Variants in LIMCH1 observed in about 807,000 individuals in gnomAD.
LIMCH1 encodes LIM and calponin homology domains 1.
Under a neutral mutation model 176.5 loss-of-function variants are expected in LIMCH1, and 113 were observed. The ratio of observed to expected loss-of-function variants is 0.64; its 90% CI spans 0.55 to 0.75. The LOEUF (loss-of-function observed/expected upper bound fraction) is 0.75, where lower values mean the gene tolerates loss of function less well. Among genes scored for constraint, LIMCH1 ranks in the 30% least tolerant of loss-of-function variants. The pLI, the probability that LIMCH1 is intolerant of heterozygous loss-of-function variation, is 0.00. For synonymous variants in LIMCH1, 619 were observed against 645.9 expected, an observed-to-expected ratio of 0.96 and a Z score of 0.63; for missense variants, 1,674 against 1,814.9, an observed-to-expected ratio of 0.92 and a Z score of 1.41.
At chr4:41,468,400 C>CCCTTCCTT (rs900915906) in intron 1 of LIMCH1, among the ~76,000 whole-genome samples, 1 of 133,412 alleles carries the variant, frequency 7.5e-6, no homozygotes, top group South Asian at 2.8e-4. Flanking sequence ...CTCCCTTCCT[C>CCCTTCCTT]CCTTCCTTCC....
intron 10 of LIMCH1, 31 bp downstream of exon 10, chr4:41,631,508 C>T (rs1270888391): frequency 8.2e-6 from 12 of 1,457,128 alleles, no homozygotes; most frequent in Non-Finnish European, 1.1e-5. Context: ...GCAAGGATAT[C>T]TGCATGGGAG....
chr4:41,612,656 A>G (rs1561917290), intron 4 of LIMCH1: 4 of 702,306 alleles, frequency 5.7e-6, no homozygotes, highest in Non-Finnish European at 1.0e-5. Context: ...GTGTTTTAGT[A>G]TGTGCTGCTT....
rs1646471695 is a variant in LIMCH1 at position 41,676,282 on chromosome 4, A to G, written c.3439-100A>G. ...ATGAAGCCTTCTGCTCCTGTGTGTCAATCTGGGTGCCAGGCCAGAGGCCAA... is the reference window on the plus strand; with the variant it reads ...ATGAAGCCTTCTGCTCCTGTGTGTCGATCTGGGTGCCAGGCCAGAGGCCAA... On this transcript the variant is annotated intron_variant, in intron 22 of 31. Transcript: ENST00000503057. The G allele has an allele frequency of 7.4e-6, 6 of 806,148 alleles. No individual in the cohort carries two copies. The South Asian group carries it at 1.0e-4, about 13-fold the overall frequency. The allele number at this position is 806,148 out of a possible 1,614,324, so 49.9% of individuals were successfully genotyped here.
At chr4:41,492,881 T>C (rs2071347775) in intron 1 of LIMCH1, among the ~76,000 whole-genome samples, 1 of 152,286 alleles carries the variant, frequency 6.6e-6, no homozygotes, top group South Asian at 2.1e-4. Flanking sequence ...TTTCTGTTGT[T>C]ATTTTTCTTC....
intron 1 of LIMCH1, among the ~76,000 whole-genome samples, chr4:41,391,653 A>G (rs1378974244): frequency 6.6e-6 from 1 of 152,182 alleles, no homozygotes; most frequent in African/African-American, 2.4e-5. Context: ...CAGATTAATC[A>G]TGACATAGCA....
intron 15 of LIMCH1, 58 bp from the exon 16 acceptor site, chr4:41,646,065 A>G: frequency 6.6e-7 from 1 of 1,523,162 alleles, no homozygotes; most frequent in Non-Finnish European, 8.9e-7. Context: ...TCTGAAGAAT[A>G]GAAATGGAAT....
intron 1 of LIMCH1, among the ~76,000 whole-genome samples, chr4:41,401,069 C>T (rs2058385191): frequency 6.6e-6 from 1 of 152,140 alleles, no homozygotes; most frequent in Admixed American, 6.6e-5. Context: ...GCTTTTGTTG[C>T]CATTGCTTTT....
At chr4:41,603,813 G>T (rs1265626284) in intron 2 of LIMCH1, 62 bp from the exon 3 acceptor site, 2 of 1,172,254 alleles carry the variant, frequency 1.7e-6, no homozygotes, top group Non-Finnish European at 2.5e-6. Flanking sequence ...GGCATTTAAG[G>T]AAAGGTCACA....
intron 1 of LIMCH1, among the ~76,000 whole-genome samples, chr4:41,462,695 A>C (rs2065543683): frequency 6.6e-6 from 1 of 152,152 alleles, no homozygotes; most frequent in South Asian, 2.1e-4. Context: ...ATGACCCAAA[A>C]CCACAAAGCA....
chr4:41,636,731 C>T (rs1258426447), intron 13 of LIMCH1, among the ~76,000 whole-genome samples: 2 of 152,166 alleles, frequency 1.3e-5, no homozygotes, highest in Non-Finnish European at 2.9e-5. Flanking sequence ...CCATGAAATA[C>T]TGTTAATTAC....
At chr4:41,585,364 G>A (rs1285605083) in intron 1 of LIMCH1, among the ~76,000 whole-genome samples, 3 of 152,056 alleles carry the variant, frequency 2.0e-5, no homozygotes, top group Non-Finnish European at 2.9e-5. Context: ...TATTTACATT[G>A]TAGCATATGT....
chr4:41,496,632 C>A (rs1376824686), intron 2 of LIMCH1, among the ~76,000 whole-genome samples: 1 of 152,150 alleles, frequency 6.6e-6, no homozygotes, highest in Non-Finnish European at 1.5e-5. Flanking sequence ...TTCTTCCTCA[C>A]CCTTATGGCT....
chr4:41,452,653 A>T (rs1177685852), intron 1 of LIMCH1, among the ~76,000 whole-genome samples: 2 of 152,094 alleles, frequency 1.3e-5, no homozygotes, highest in Admixed American at 1.3e-4. Flanking sequence ...CTGTTTGTTC[A>T]CCATTCCACT....
At chr4:41,613,183 T>C (rs1314329893) in intron 4 of LIMCH1, 24 of 1,221,704 alleles carry the variant, frequency 2.0e-5, no homozygotes, top group South Asian at 2.7e-5. Flanking sequence ...CTTCTAATTC[T>C]TTCTCTACTC....
intron 1 of LIMCH1, among the ~76,000 whole-genome samples, chr4:41,561,288 T>G (rs61690528): frequency 0.029 from 4,489 of 152,356 alleles, 222 homozygotes; most frequent in African/African-American, 0.1. Flanking sequence ...TCTTGCTTCC[T>G]TGGCTGTATT....
chr4:41,369,944 G>A (rs2053703817), intron 1 of LIMCH1, among the ~76,000 whole-genome samples: 1 of 132,744 alleles, frequency 7.5e-6, no homozygotes, highest in Non-Finnish European at 1.5e-5. Flanking sequence ...AGCAAAGTGT[G>A]TGTGTGTGTG....
chr4:41,522,195 G>T (rs2152405674), intron 2 of LIMCH1, among the ~76,000 whole-genome samples: 1 of 152,244 alleles, frequency 6.6e-6, no homozygotes, highest in East Asian at 1.9e-4. Flanking sequence ...TGTCAGCTCT[G>T]CAGTCATCAG....
chr4:41,506,628 G>A (rs754878424), intron 2 of LIMCH1, among the ~76,000 whole-genome samples: 2 of 152,154 alleles, frequency 1.3e-5, no homozygotes, highest in Non-Finnish European at 2.9e-5. Flanking sequence ...TTAATAAGAG[G>A]TTAAATGAGG....
chr4:41,454,766 T>C (rs2064330490), intron 1 of LIMCH1, among the ~76,000 whole-genome samples: 1 of 152,192 alleles, frequency 6.6e-6, no homozygotes, highest in Non-Finnish European at 1.5e-5. Flanking sequence ...GTGAATCTGA[T>C]CTGATTATTA....
Sources: allele counts gnomAD v4.1 joint callset (sites outside exome capture counted in the v4.1 genomes callset), GRCh38; gene constraint gnomAD v4.1.1; transcripts MANE v1.5; gene names NCBI Gene and HGNC (gene_info 2026-07-23, HGNC 2026-07-21).